Variants in HNMT observed in about 807,000 individuals in gnomAD.
The protein encoded by HNMT is histamine N-methyltransferase.
A neutral mutation model predicts 32.1 loss-of-function variants in HNMT; 30 were observed. The observed-to-expected ratio is 0.93, with a 90% CI of 0.70 to 1.27. The LOEUF is 1.27. Ranked by LOEUF, HNMT falls within the 50% of genes most tolerant of loss-of-function variation. HNMT has a pLI of 0.00. For missense variants in HNMT, 327 were observed against 346.0 expected (o/e 0.95, Z 0.43); for synonymous variants, 125 against 119.0 (o/e 1.05, Z -0.33).
intron 5 of HNMT, among the ~76,000 whole-genome samples, chr2:138,006,878 AAT>A (rs1001082276): frequency 1.3e-5 from 2 of 152,062 alleles, no homozygotes; most frequent in Non-Finnish European, 2.9e-5. Flanking sequence ...TCATAAAAAA[AAT>A]CAAAAGAAAG....
intron 2 of HNMT, among the ~76,000 whole-genome samples, chr2:137,980,037 GTTT>G (rs1275439077): frequency 1.4e-5 from 2 of 139,744 alleles, no homozygotes; most frequent in African/African-American, 2.6e-5. Flanking sequence ...CCTGTAACAG[GTTT>G]TTTTTTTTTT....
intron 5 of HNMT, among the ~76,000 whole-genome samples, chr2:138,008,299 T>C (rs889684514): frequency 6.6e-6 from 1 of 151,974 alleles, no homozygotes; most frequent in African/African-American, 2.4e-5. Context: ...TCCATCCATG[T>C]CCCCAGAAAA....
chr2:137,965,518 G>C (rs1247681156), intron 1 of HNMT, among the ~76,000 whole-genome samples: 2 of 152,134 alleles, frequency 1.3e-5, no homozygotes, highest in African/African-American at 4.8e-5. Flanking sequence ...TCTGACCAGA[G>C]CAGGCATTAT....
intron 2 of HNMT, among the ~76,000 whole-genome samples, chr2:137,992,419 T>C (rs529625553): frequency 3.3e-5 from 5 of 152,296 alleles, no homozygotes; most frequent in Admixed American, 3.3e-4. Flanking sequence ...GACTTGTCCC[T>C]CACAGTCCAA....
intron 2 of HNMT, among the ~76,000 whole-genome samples, chr2:137,999,421 C>T (rs1681093406): frequency 6.6e-6 from 1 of 152,134 alleles, no homozygotes; most frequent in Non-Finnish European, 1.5e-5. Context: ...CCTCCACACA[C>T]ACCATGTACG....
chr2:138,009,178 A>G (rs1335445606), intron 5 of HNMT, among the ~76,000 whole-genome samples: 1 of 152,074 alleles, frequency 6.6e-6, no homozygotes, highest in Admixed American at 6.6e-5. Flanking sequence ...TAGTGAAATG[A>G]AAATCAAAAC....
intron 2 of HNMT, among the ~76,000 whole-genome samples, chr2:137,985,053 T>C (rs1440513824): frequency 6.6e-6 from 1 of 152,116 alleles, no homozygotes; most frequent in Non-Finnish European, 1.5e-5. Context: ...CTTTGAATAG[T>C]AGCAAACTAG....
chr2:137,979,540 C>G (rs1226890759), intron 2 of HNMT, among the ~76,000 whole-genome samples: 1 of 151,886 alleles, frequency 6.6e-6, no homozygotes, highest in Non-Finnish European at 1.5e-5. Flanking sequence ...GCGTGAGCCA[C>G]CACGCCCGGC....
intron 5 of HNMT, among the ~76,000 whole-genome samples, chr2:138,008,405 T>C (rs535778229): frequency 2.0e-5 from 3 of 152,160 alleles, no homozygotes; most frequent in Non-Finnish European, 2.9e-5. Flanking sequence ...GGTTTTTAGG[T>C]TGATTCCATG....
intron 4 of HNMT, 58 bp downstream of exon 4, chr2:138,002,252 T>A (rs1310718068): frequency 1.7e-6 from 2 of 1,184,468 alleles, no homozygotes; most frequent in African/African-American, 3.2e-5. Flanking sequence ...AATATATATA[T>A]AATGAATATC....
chr2:137,987,597 GCCA>G (rs1171562844), intron 2 of HNMT, among the ~76,000 whole-genome samples: 1 of 131,004 alleles, frequency 7.6e-6, no homozygotes, highest in African/African-American at 2.9e-5. Flanking sequence ...AAGGACAATG[GCCA>G]CTTTTTTTTT....
At chr2:138,000,870 C>A in intron 2 of HNMT, 48 bp from the exon 3 acceptor site, 1 of 1,025,900 alleles carries the variant, frequency 9.7e-7, no homozygotes, top group Non-Finnish European at 1.5e-6. Flanking sequence ...TGTTTTTAAT[C>A]ATTTCTTGCT....
chr2:137,964,668 G>C, intron 1 of HNMT, 40 bp downstream of exon 1: 1 of 1,608,656 alleles, frequency 6.2e-7, no homozygotes. Context: ...ACAAGCCTCA[G>C]ACTGGCTGTG....
Position 138,002,192 on chromosome 2 carries a change from C to A in HNMT, c.427C>A (p.Gln143Lys). Residue 143 changes from glutamine to lysine, a missense_variant and splice_region_variant, in exon 4 of 6, where the codon CAA (glutamine) becomes AAA (lysine). By Grantham distance (53) the Gln-to-Lys change is moderately conservative. Transcript: ENST00000280097. ...AAAGTGGGACTTTATTCATATGATT[C>A]AAGTAAGAAATATGTATTATAATAT... ...LQKWDFIHMI[Q>K]MLYYVKDIPA... 1 of 1,545,594 alleles carries A rather than the reference C, an allele frequency of 6.5e-7. No individual in the cohort carries two copies. The highest frequency in any genetic ancestry group is 1.2e-5 in the South Asian group (1 of 84,744).
chr2:137,975,498 C>A (rs1456036522), intron 2 of HNMT, among the ~76,000 whole-genome samples: 2 of 152,182 alleles, frequency 1.3e-5, no homozygotes, highest in African/African-American at 4.8e-5. Flanking sequence ...TTCCTTTTAA[C>A]ATAGTGAGTT....
Position 137,964,571 on chromosome 2 carries a change from C to T in HNMT, c.80C>T (p.Thr27Met). 1 of 1,613,602 alleles carries T rather than the reference C, an allele frequency of 6.2e-7. No homozygotes were observed. The highest frequency in any genetic ancestry group is 1.1e-5 in the South Asian group (1 of 91,056). The stretch of plus-strand genomic sequence containing the variant: ...TTCCGGAGGTTTCTCAACCATTCCA[C>T]GGAACACCAGTGCATGCAGGAATTC... ...ESFRRFLNHS[T>M]EHQCMQEFMD... is the part of the protein sequence containing the mutation. The change falls in exon 1 of 6, where the codon ACG (threonine) becomes ATG (methionine). Residue 27 changes from threonine (T) to methionine (M), a missense_variant. Thr to Met is a moderately conservative substitution (Grantham distance 81). Coordinates refer to ENST00000280097, the MANE Select transcript of HNMT (RefSeq NM_006895.3).
intron 1 of HNMT, among the ~76,000 whole-genome samples, chr2:137,968,060 C>T (rs1375128325): frequency 6.6e-6 from 1 of 152,124 alleles, no homozygotes; most frequent in Non-Finnish European, 1.5e-5. Context: ...CAGCTCTTTC[C>T]TGGGAGATCC....
At chr2:138,012,895 C>T (rs1024710451) in intron 5 of HNMT, among the ~76,000 whole-genome samples, 4 of 152,050 alleles carry the variant, frequency 2.6e-5, no homozygotes, top group African/African-American at 9.7e-5. Context: ...CTGTGGGACC[C>T]ACCCCCACCT....
chr2:137,970,061 C>T, intron 1 of HNMT, 104 bp from the exon 2 acceptor site: 2 of 586,468 alleles, frequency 3.4e-6, no homozygotes, highest in South Asian at 2.8e-5. Context: ...GCCTAGTTTT[C>T]ATTCATTGTA....
Sources: allele counts gnomAD v4.1 joint callset (sites outside exome capture counted in the v4.1 genomes callset), GRCh38; gene constraint gnomAD v4.1.1; transcripts MANE v1.5; gene names NCBI Gene and HGNC (gene_info 2026-07-23, HGNC 2026-07-21).